The following GREB1L variants were observed in gnomAD, a reference collection of about 807,000 sequenced individuals.
The protein encoded by GREB1L is GREB1 like retinoic acid receptor coactivator, also known as GREB1-like protein.
A neutral mutation model predicts 200.8 loss-of-function variants in GREB1L; 17 were observed. The observed-to-expected ratio is 0.08, with a 90% confidence interval of 0.06 to 0.13. The LOEUF is 0.13. Among genes scored for constraint, GREB1L ranks in the 10% least tolerant of loss-of-function variants. GREB1L has a pLI of 1.00. For synonymous variants in GREB1L, 789 were observed against 893.0 expected (o/e 0.88, Z 2.08); for missense variants, 1,657 against 2,367.7 (o/e 0.70, Z 6.23).
intron 21 of GREB1L, among the ~76,000 whole-genome samples, chr18:21,499,232 G>A (rs2036675431): frequency 6.6e-6 from 1 of 152,230 alleles, no homozygotes; most frequent in Non-Finnish European, 1.5e-5. Context: ...CCTGTTTTGG[G>A]TGGGGTCCTG....
At chr18:21,458,225 C>T (rs572519442) in intron 15 of GREB1L, among the ~76,000 whole-genome samples, 2 of 152,100 alleles carry the variant, frequency 1.3e-5, no homozygotes, top group Non-Finnish European at 2.9e-5. Context: ...CCCGTTTCGG[C>T]CTCCCAAAGT....
intron 7 of GREB1L, among the ~76,000 whole-genome samples, chr18:21,429,375 T>C (rs2032967995): frequency 6.7e-6 from 1 of 148,566 alleles, no homozygotes; most frequent in African/African-American, 2.5e-5. Context: ...CAGGGTCTTG[T>C]TCTGTAACCC....
intron 1 of GREB1L, among the ~76,000 whole-genome samples, chr18:21,315,338 G>T (rs754772660): frequency 2.6e-5 from 4 of 152,026 alleles, no homozygotes; most frequent in Non-Finnish European, 5.9e-5. Context: ...TGATCCTCCC[G>T]CCTCAGCCTC....
chr18:21,513,809 G>A lies in GREB1L; in HGVS notation c.4736-12G>A, dbSNP rs2037324223. The A allele has an allele frequency of 3.2e-6, 5 of 1,550,370 alleles. No individual in the cohort carries two copies. In the East Asian group the frequency reaches 1.2e-4, roughly 38 times the overall value. On this transcript the variant is annotated splice_polypyrimidine_tract_variant and intron_variant, in intron 27 of 32. Coordinates refer to ENST00000424526, the MANE Select transcript of GREB1L (RefSeq NM_001142966.3). ...TGTGTGGATATGCAGATGTGGTTAT[G>A]TTGCCTTCCAGGTGCTGCCAGGTTC...
chr18:21,520,695 T>C lies in GREB1L; in HGVS notation c.5480T>C (p.Ile1827Thr), dbSNP rs1346289503. 3.2e-6 allele frequency: 5 copies of C among 1,551,674 alleles called. No homozygotes were observed. Among genetic ancestry groups the C allele is most frequent in the Non-Finnish European group, 4.4e-6 (5 of 1,146,972 alleles). ...CYLNIGPEVA[I>T]CYISSRPHSS... Reference sequence around the variant, plus strand: ...TTTGCTTGATGATTTCAGGTGGCCATATGCTATATCAGCTCCAGACCCCAC... The same window carrying C: ...TTTGCTTGATGATTTCAGGTGGCCACATGCTATATCAGCTCCAGACCCCAC... Residue 1827 changes from isoleucine to threonine, a missense_variant, in exon 32 of 33, where the codon ATA becomes ACA. This residue lies in a region of GREB1L where 190 missense variants were observed against 230.2 expected (regional missense o/e 0.83). Coordinates refer to ENST00000424526, the MANE Select transcript of GREB1L (RefSeq NM_001142966.3).
At chr18:21,460,620 G>A (rs1296487091) in intron 15 of GREB1L, among the ~76,000 whole-genome samples, 3 of 151,954 alleles carry the variant, frequency 2.0e-5, no homozygotes, top group Non-Finnish European at 2.9e-5. Context: ...GATTACAGGC[G>A]TGAGCCACTG....
At chr18:21,408,244 A>G (rs1361312557) in intron 7 of GREB1L, among the ~76,000 whole-genome samples, 1 of 152,170 alleles carries the variant, frequency 6.6e-6, no homozygotes, top group Non-Finnish European at 1.5e-5. Context: ...ATGTACAGTT[A>G]TTATCTGTCA....
intron 2 of GREB1L, among the ~76,000 whole-genome samples, chr18:21,375,640 G>A (rs1359233141): frequency 6.6e-6 from 1 of 152,158 alleles, no homozygotes; most frequent in Non-Finnish European, 1.5e-5. Context: ...TTAATGGTCT[G>A]AGTGATAAAG....
chr18:21,425,642 G>A lies in GREB1L; in HGVS notation c.833-13879G>A, dbSNP rs2032506378. Among the ~76,000 whole-genome samples, 3 of 152,210 alleles carry A rather than the reference G, an allele frequency of 2.0e-5. No individual in the cohort carries two copies. In the East Asian group the frequency reaches 5.8e-4, roughly 29 times the overall value. On this transcript the variant is annotated intron_variant, in intron 7 of 32. Transcript: ENST00000424526. ...GATTTGCATTTCTCCAGTGGTTAAT[G>A]ATGTTGAGCATCTTGTCATGTGCTT... is the stretch of plus-strand genomic sequence containing the variant.
rs2037507738 is a variant in GREB1L, at chr18:21,242,303, C to T, written c.-210C>T. 6.6e-6 allele frequency: 1 copy of T among 152,060 alleles called. No individual in the cohort carries two copies. 9.4% of individuals were successfully genotyped at this position (152,060 alleles called of 1,614,324 possible). A position where few individuals can be genotyped will look rare whatever the true frequency, so the allele number is the denominator to read the frequency against. On this transcript the variant is annotated 5_prime_UTR_variant, in exon 1 of 33. Transcript: ENST00000424526. ...GCCGGAGCAGCGGAGCGCAGCGCGG[C>T]GCAGGGAACGGCACTGGGGGTGGGG...
At chr18:21,313,167 A>ATT (rs2038818388) in intron 1 of GREB1L, among the ~76,000 whole-genome samples, 1 of 151,308 alleles carries the variant, frequency 6.6e-6, no homozygotes, top group Non-Finnish European at 1.5e-5. Context: ...TTTTTAAAAT[A>ATT]TTAAAAAATA....
At chr18:21,447,437 C>G (rs1360184560) in intron 11 of GREB1L, among the ~76,000 whole-genome samples, 3 of 152,204 alleles carry the variant, frequency 2.0e-5, no homozygotes, top group Non-Finnish European at 4.4e-5. Flanking sequence ...CCTAATTGTA[C>G]ATCAGTCAAA....
intron 1 of GREB1L, among the ~76,000 whole-genome samples, chr18:21,302,838 C>T (rs1240559569): frequency 6.6e-6 from 1 of 152,154 alleles, no homozygotes; most frequent in African/African-American, 2.4e-5. Flanking sequence ...TCTCCTGCCT[C>T]AGCCTCACGA....
chr18:21,514,555 T>C (rs2037351124), intron 28 of GREB1L, among the ~76,000 whole-genome samples: 1 of 152,214 alleles, frequency 6.6e-6, no homozygotes, highest in Admixed American at 6.5e-5. Flanking sequence ...CTATGATTTA[T>C]GGAGAAAGAC....
intron 1 of GREB1L, among the ~76,000 whole-genome samples, chr18:21,354,081 A>T (rs554971949): frequency 6.6e-6 from 1 of 152,184 alleles, no homozygotes; most frequent in South Asian, 2.1e-4. Flanking sequence ...GAGCCACTGT[A>T]CCCAGCCTAT....
At chr18:21,514,519 A>C (rs1051158328) in intron 28 of GREB1L, among the ~76,000 whole-genome samples, 2 of 152,256 alleles carry the variant, frequency 1.3e-5, no homozygotes, top group Non-Finnish European at 2.9e-5. Context: ...TGTCTCAAAA[A>C]AACAAAAATA....
intron 18 of GREB1L, 92 bp downstream of exon 18, chr18:21,485,845 G>A (rs756598089): frequency 8.1e-7 from 1 of 1,234,160 alleles, no homozygotes; most frequent in South Asian, 1.6e-5. Context: ...GCTACGGGGT[G>A]TTTGATGGAG....
intron 1 of GREB1L, among the ~76,000 whole-genome samples, chr18:21,342,158 C>T (rs1242146881): frequency 2.0e-5 from 3 of 151,902 alleles, no homozygotes; most frequent in Non-Finnish European, 2.9e-5. Context: ...TGATTGATGG[C>T]CTGAATTGAT....
intron 24 of GREB1L, 99 bp downstream of exon 24, chr18:21,505,666 T>C: frequency 7.0e-7 from 1 of 1,428,706 alleles, no homozygotes; most frequent in Non-Finnish European, 9.4e-7. Context: ...ATGCGCATCA[T>C]TTTTTAAATT....
Sources: allele counts gnomAD v4.1 joint callset (sites outside exome capture counted in the v4.1 genomes callset), GRCh38; gene constraint gnomAD v4.1.1; regional missense constraint gnomAD v4.1.1; transcripts MANE v1.5; gene names NCBI Gene and HGNC (gene_info 2026-07-23, HGNC 2026-07-21).